Variants in MTMR12 observed in about 807,000 individuals in gnomAD.
MTMR12 encodes the protein myotubularin-related protein 12.
Under a neutral mutation model 96.7 loss-of-function variants are expected in MTMR12, and 33 were observed. That is an observed-to-expected ratio of 0.34 (90% confidence interval 0.26 to 0.46). The LOEUF (loss-of-function observed/expected upper bound fraction) is 0.46. MTMR12 is among the 20% of genes least tolerant of loss of function. The pLI is 1.00. For missense variants in MTMR12, 721 were observed against 896.1 expected, an observed-to-expected ratio of 0.80 and a Z score of 2.49; for synonymous variants, 298 against 327.2, an observed-to-expected ratio of 0.91 and a Z score of 0.96.
In MTMR12 at chr5:32,271,840, A is replaced by T. The variant is rs1271983966; in HGVS notation, c.351T>A (p.Ile117=). The change falls in exon 4 of 16, where the codon ATT becomes ATA. Residue 117 remains isoleucine (I), a synonymous_variant. Transcript: ENST00000382142. The part of the protein sequence containing the change: ...NDITLHCVDQ[I]YGVFDEKKKT... ...GGAAAAACAGATACTTACCTCCATAAATCTGATCAACACAGTGGAGTGTAA... is the reference window on the plus strand; with the variant it reads ...GGAAAAACAGATACTTACCTCCATATATCTGATCAACACAGTGGAGTGTAA... 6.4e-7 allele frequency: 1 copy of T among 1,571,416 alleles called. No individual in the cohort carries two copies. The highest frequency in any genetic ancestry group is 8.7e-7 in the Non-Finnish European group (1 of 1,151,498).
intron 13 of MTMR12, among the ~76,000 whole-genome samples, chr5:32,237,719 C>T (rs1245107538): frequency 2.6e-5 from 4 of 151,990 alleles, no homozygotes. Flanking sequence ...ACCGTGTTAG[C>T]CAGGATGGTG....
chr5:32,232,902 G>T (rs1180283072), intron 15 of MTMR12: 2 of 927,494 alleles, frequency 2.2e-6, no homozygotes, highest in Non-Finnish European at 2.6e-6. Context: ...AAGCCCTCCA[G>T]ATCAGGCAGG....
chr5:32,232,263 C>T (rs1057001909), intron 15 of MTMR12, among the ~76,000 whole-genome samples: 3 of 152,180 alleles, frequency 2.0e-5, no homozygotes, highest in Admixed American at 6.5e-5. Context: ...GCCACCAGGC[C>T]GCTCAACACA....
intron 4 of MTMR12, 26 bp from the exon 5 acceptor site, chr5:32,270,973 A>C: frequency 6.3e-7 from 1 of 1,597,502 alleles, no homozygotes; most frequent in Non-Finnish European, 8.5e-7. Flanking sequence ...GAAATCAGGA[A>C]GGGAAATTAT....
At chr5:32,248,982 A>G in intron 8 of MTMR12, 104 bp from the exon 9 acceptor site, 1 of 838,692 alleles carries the variant, frequency 1.2e-6, no homozygotes, top group Non-Finnish European at 2.0e-6. Flanking sequence ...TAACTTCAGT[A>G]TGAAATGGCT....
chr5:32,253,756 G>C (rs1749037425), intron 8 of MTMR12, among the ~76,000 whole-genome samples: 1 of 152,172 alleles, frequency 6.6e-6, no homozygotes, highest in South Asian at 2.1e-4. Flanking sequence ...AGAGTAGCTG[G>C]GACTATGGGC....
Position 32,239,147 on chromosome 5 carries a change from G to C in MTMR12, c.1198C>G (p.Leu400Val). The change falls in exon 13 of 16, where the codon CTC becomes GTC. Residue 400 changes from leucine to valine, a missense_variant. Leu to Val is a conservative substitution (Grantham distance 32). Coordinates refer to ENST00000382142, the MANE Select transcript of MTMR12 (RefSeq NM_001040446.3). ...ATCAGTTGCACCAGAGAGGAAATGA[G>C]ACAGCAGAGGTCGGATGCATTCTCC... ...LEENASDLCCLISSLVQLMMD... is the reference protein window; with the variant it reads ...LEENASDLCCVISSLVQLMMD... 1 of 1,604,942 alleles carries C rather than the reference G, an allele frequency of 6.2e-7. No individual in the cohort carries two copies. Among genetic ancestry groups the C allele is most frequent in the Non-Finnish European group, 8.5e-7 (1 of 1,175,100 alleles).
chr5:32,291,569 A>G (rs567786851), intron 1 of MTMR12, among the ~76,000 whole-genome samples: 1 of 152,308 alleles, frequency 6.6e-6, no homozygotes, highest in African/African-American at 2.4e-5. Flanking sequence ...TCAGCAGAGG[A>G]GCATTTTAAT....
rs531457578 is a variant in MTMR12, at chr5:32,227,656, A to G, written c.*2122T>C. The G allele has an allele frequency of 6.5e-6, 1 of 152,804 alleles. No individual in the cohort carries two copies. The highest frequency in any genetic ancestry group is 1.5e-5 in the Non-Finnish European group (1 of 68,038). 9.5% of individuals were successfully genotyped at this position (152,804 alleles called of 1,614,324 possible). A position where few individuals can be genotyped will look rare whatever the true frequency, so the allele number is the denominator to read the frequency against. ...ATAACGTGGTAACAAAAATAGCTCCATAGCATATTTGGGAGGCAATGGGGC... is the reference window on the plus strand; with the variant it reads ...ATAACGTGGTAACAAAAATAGCTCCGTAGCATATTTGGGAGGCAATGGGGC... On this transcript the variant is annotated 3_prime_UTR_variant, in exon 16 of 16. Transcript: ENST00000382142.
chr5:32,276,112 T>C (rs1315382456), intron 2 of MTMR12, among the ~76,000 whole-genome samples: 2 of 152,230 alleles, frequency 1.3e-5, no homozygotes, highest in Non-Finnish European at 1.5e-5. Flanking sequence ...CTCCTGAACA[T>C]GGAAATGACT....
At chr5:32,307,794 T>C (rs1751415958) in intron 1 of MTMR12, among the ~76,000 whole-genome samples, 2 of 152,230 alleles carry the variant, frequency 1.3e-5, no homozygotes, top group African/African-American at 4.8e-5. Flanking sequence ...TAAAATACTT[T>C]ATCCAGTTAA....
chr5:32,242,247 C>G, intron 11 of MTMR12, 120 bp from the exon 12 acceptor site: 1 of 553,686 alleles, frequency 1.8e-6, no homozygotes, highest in South Asian at 3.6e-5. Flanking sequence ...TTTTTTTTTT[C>G]CACGCTAAAA....
In MTMR12 at chr5:32,266,235, C is replaced by T. The variant is rs578202824; in HGVS notation, c.583+2466G>A. On this transcript the variant is annotated intron_variant, in intron 6 of 15. Transcript: ENST00000382142. ...TGTTTTGTTTTGTTTTTTAACTTTACGCTTCTTGAGGGCAAGGATTTAGTC... is the reference window on the plus strand; with the variant it reads ...TGTTTTGTTTTGTTTTTTAACTTTATGCTTCTTGAGGGCAAGGATTTAGTC... Among the ~76,000 whole-genome samples the T allele has an allele frequency of 9.9e-5, 15 of 152,258 alleles. No homozygotes were observed. In the East Asian group the frequency reaches 1.7e-3, roughly 18 times the overall value.
In MTMR12 at chr5:32,292,797, C is replaced by T. The variant is rs145399106; in HGVS notation, c.82-16055G>A. 6.1e-3 allele frequency among the ~76,000 whole-genome samples: 931 copies of T among 152,226 alleles called. 13 individuals carry two copies. Among genetic ancestry groups the T allele is most frequent in the African/African-American group, 0.021 (884 of 41,514 alleles). On this transcript the variant is annotated intron_variant, in intron 1 of 15. Transcript: ENST00000382142. Reference sequence around the variant, plus strand: ...GACCTGCTGAGGTGTTTGCTGAAGGCAAAGGGAATACAGAATAAGTAGTAG... The same window carrying T: ...GACCTGCTGAGGTGTTTGCTGAAGGTAAAGGGAATACAGAATAAGTAGTAG...
chr5:32,287,681 G>C (rs951610127), intron 1 of MTMR12, among the ~76,000 whole-genome samples: 2 of 152,164 alleles, frequency 1.3e-5, no homozygotes, highest in Non-Finnish European at 2.9e-5. Flanking sequence ...GGAGTTGGCT[G>C]CTTAATATGA....
Position 32,304,356 on chromosome 5 carries a change from T to C in MTMR12, c.81+8402A>G, listed in dbSNP as rs924923444. Among the ~76,000 whole-genome samples, 4 of 151,868 alleles carry C rather than the reference T, an allele frequency of 2.6e-5. No homozygotes were observed. The East Asian group carries it at 7.7e-4, about 29-fold the overall frequency. On this transcript the variant is annotated intron_variant, in intron 1 of 15. Transcript: ENST00000382142. ...AGAAAAGAAAAGAAATGCAACCATA[T>C]GAGATACACACTCACGAACAAAACA...
chr5:32,266,124 T>C (rs941920370), intron 6 of MTMR12, among the ~76,000 whole-genome samples: 2 of 152,190 alleles, frequency 1.3e-5, no homozygotes, highest in African/African-American at 2.4e-5. Context: ...TTCCCCTCGA[T>C]AGTCCACCCT....
chr5:32,266,493 G>A (rs938605809), intron 6 of MTMR12, among the ~76,000 whole-genome samples: 2 of 151,828 alleles, frequency 1.3e-5, no homozygotes, highest in Non-Finnish European at 2.9e-5. Flanking sequence ...TTCGAAATCA[G>A]CCTGGCCAAC....
At chr5:32,235,715 T>C (rs1367949221) in intron 13 of MTMR12, among the ~76,000 whole-genome samples, 1 of 152,152 alleles carries the variant, frequency 6.6e-6, no homozygotes, top group Non-Finnish European at 1.5e-5. Context: ...GCAGTGAAAG[T>C]GAGTTTCAAA....
Sources: allele counts gnomAD v4.1 joint callset (sites outside exome capture counted in the v4.1 genomes callset), GRCh38; gene constraint gnomAD v4.1.1; transcripts MANE v1.5; gene names NCBI Gene and HGNC (gene_info 2026-07-23, HGNC 2026-07-21).